Variants in CSMD1 observed in about 807,000 individuals in gnomAD.
CSMD1 encodes CUB and Sushi multiple domains 1, also known as CUB and sushi domain-containing protein 1.
Under a neutral mutation model 417.5 loss-of-function variants are expected in CSMD1, and 213 were observed. That is an observed-to-expected ratio of 0.51 (90% confidence interval 0.46 to 0.57). CSMD1 has a LOEUF of 0.57. Ranked by LOEUF, CSMD1 falls within the 20% of genes least tolerant of loss-of-function variation. The probability of loss-of-function intolerance (pLI) is 0.00; values close to 1 mark genes in which losing one functional copy is unlikely to be tolerated. For missense variants in CSMD1, 6,923 were observed against 4,529.7 expected, an observed-to-expected ratio of 1.53 and a Z score of -15.17; for synonymous variants, 2,862 against 1,736.8, an observed-to-expected ratio of 1.65 and a Z score of -16.11.
chr8:4,151,661 T>C (rs1344108490), intron 3 of CSMD1, among the ~76,000 whole-genome samples: 4 of 152,206 alleles, frequency 2.6e-5, no homozygotes, highest in Admixed American at 2.6e-4. Context: ...ATTATTATTA[T>C]GTCAACATTA....
chr8:4,976,361 ATTATC>A (rs1160832712), intron 1 of CSMD1, among the ~76,000 whole-genome samples: 8 of 152,218 alleles, frequency 5.3e-5, no homozygotes, highest in African/African-American at 1.4e-4. Context: ...TCTTAACATA[ATTATC>A]TTATCTATTT....
chr8:4,455,706 C>A (rs1004377428), intron 2 of CSMD1, among the ~76,000 whole-genome samples: 2 of 151,478 alleles, frequency 1.3e-5, no homozygotes, highest in Admixed American at 6.6e-5. Flanking sequence ...CGAAGCGGGT[C>A]GATCACCTGA....
chr8:4,941,808 A>G (rs1227613834), intron 1 of CSMD1, among the ~76,000 whole-genome samples: 1 of 152,146 alleles, frequency 6.6e-6, no homozygotes, highest in East Asian at 1.9e-4. Context: ...CATGTTGCCC[A>G]GGATGGTCTT....
rs530398188 is a variant in CSMD1, at chr8:4,025,566, A to T, written c.610+6339T>A. Among the ~76,000 whole-genome samples, 28 of 152,354 alleles carry T rather than the reference A, an allele frequency of 1.8e-4. No homozygotes were observed. The South Asian group carries it at 5.8e-3, about 32-fold the overall frequency. On this transcript the variant is annotated intron_variant, in intron 4 of 69. Transcript: ENST00000635120. ...TTTCATATTTCTCCCCTAGACAGAC[A>T]TCATGCCTGTAAGAAGTGAAACAGT...
At chr8:4,159,825 G>T (rs2131090904) in intron 3 of CSMD1, among the ~76,000 whole-genome samples, 1 of 152,210 alleles carries the variant, frequency 6.6e-6, no homozygotes, top group Admixed American at 6.5e-5. Flanking sequence ...TATTCTAAGT[G>T]AAGTAACTCT....
chr8:3,692,586 CCA>C (rs1313290345), intron 7 of CSMD1, among the ~76,000 whole-genome samples: 1 of 152,088 alleles, frequency 6.6e-6, no homozygotes, highest in Non-Finnish European at 1.5e-5. Flanking sequence ...AGGCATGTCA[CCA>C]CACACAGCTA....
At position 4,343,920 on chromosome 8, in the gene CSMD1, C is replaced by G. The variant is rs140993620; in HGVS notation, c.415+76033G>C. Among the ~76,000 whole-genome samples, 151 of 152,162 alleles carry G rather than the reference C, an allele frequency of 9.9e-4. 1 individual carries two copies. The highest frequency in any genetic ancestry group is 3.4e-3 in the African/African-American group (140 of 41,530). ...AAGGCTTATTTACTTTTAAATACTG[C>G]CAAGAGAAGTGTTTTAAAAATTATA... On this transcript the variant is annotated intron_variant, in intron 3 of 69. Transcript: ENST00000635120.
At position 2,938,547 on chromosome 8, in the gene CSMD1, G is replaced by C; in HGVS notation, c.*38C>G. ...AAGGAATCACTGCTTGTCCATCAGA[G>C]GTATGGCTATGAATCAGTCCTGTTG... On this transcript the variant is annotated 3_prime_UTR_variant, in exon 70 of 70. Coordinates refer to ENST00000635120, the MANE Select transcript of CSMD1 (RefSeq NM_033225.6). The C allele has an allele frequency of 3.2e-6, 5 of 1,581,802 alleles. No individual in the cohort carries two copies. Among genetic ancestry groups the C allele is most frequent in the African/African-American group, 1.3e-5 (1 of 74,464 alleles).
chr8:4,951,861 C>T (rs200600388), intron 1 of CSMD1, among the ~76,000 whole-genome samples: 1 of 7,656 alleles, frequency 1.3e-4, no homozygotes, highest in African/African-American at 2.1e-4. Flanking sequence ...ACTGAAGGAC[C>T]ACCCTGCATA....
chr8:4,357,823 C>T (rs1022272594), intron 3 of CSMD1, among the ~76,000 whole-genome samples: 7 of 151,952 alleles, frequency 4.6e-5, no homozygotes, highest in Admixed American at 2.0e-4. Context: ...AATAGTATTA[C>T]AAAATTTAAA....
At chr8:4,002,919 T>G (rs1815805143) in intron 4 of CSMD1, among the ~76,000 whole-genome samples, 1 of 152,184 alleles carries the variant, frequency 6.6e-6, no homozygotes, top group South Asian at 2.1e-4. Flanking sequence ...AATTAAGCAT[T>G]ATCTCAACTA....
intron 1 of CSMD1, among the ~76,000 whole-genome samples, chr8:4,820,310 T>C (rs919113381): frequency 2.6e-5 from 4 of 152,204 alleles, no homozygotes; most frequent in African/African-American, 7.2e-5. Flanking sequence ...TAGTGCGCCA[T>C]AGAAGCCTGA....
At chr8:3,685,691 T>C (rs1206958036) in intron 7 of CSMD1, among the ~76,000 whole-genome samples, 2 of 151,978 alleles carry the variant, frequency 1.3e-5, no homozygotes, top group African/African-American at 4.8e-5. Context: ...AGAAAATCAA[T>C]GCAATTTCAA....
At chr8:4,727,262 A>G (rs1327489353) in intron 1 of CSMD1, among the ~76,000 whole-genome samples, 2 of 152,222 alleles carry the variant, frequency 1.3e-5, no homozygotes, top group East Asian at 1.9e-4. Context: ...ACATTAAACC[A>G]GTTAATGTCT....
intron 6 of CSMD1, among the ~76,000 whole-genome samples, chr8:3,717,026 G>A (rs1031472388): frequency 2.0e-5 from 3 of 152,046 alleles, no homozygotes; most frequent in Admixed American, 6.6e-5. Flanking sequence ...AGGTCACAAA[G>A]CTTGAAATGG....
chr8:4,798,590 A>G (rs1798110762), intron 1 of CSMD1, among the ~76,000 whole-genome samples: 2 of 152,190 alleles, frequency 1.3e-5, no homozygotes, highest in South Asian at 4.1e-4. Context: ...AAGTTACCAC[A>G]CTGTGTGTTG....
intron 5 of CSMD1, among the ~76,000 whole-genome samples, chr8:3,783,740 A>G (rs962843462): frequency 1.3e-5 from 2 of 152,188 alleles, no homozygotes; most frequent in African/African-American, 2.4e-5. Context: ...TACTCCTGCT[A>G]TTCAGATCCC....
At chr8:4,114,443 G>A (rs552869220) in intron 3 of CSMD1, among the ~76,000 whole-genome samples, 3 of 152,204 alleles carry the variant, frequency 2.0e-5, no homozygotes, top group Admixed American at 6.5e-5. Flanking sequence ...GGTTACGGAA[G>A]AGCTTGGACA....
At chr8:4,726,236 A>T (rs1019477566) in intron 1 of CSMD1, among the ~76,000 whole-genome samples, 6 of 148,700 alleles carry the variant, frequency 4.0e-5, no homozygotes, top group Non-Finnish European at 1.5e-5. Context: ...GGTCAGAAAA[A>T]CTCTTGTGTG....
Sources: gnomAD v4.1 joint callset for allele counts (sites outside exome capture counted in the v4.1 genomes callset) on GRCh38, gnomAD v4.1.1 for gene constraint, MANE v1.5 for transcripts, NCBI Gene and HGNC (gene_info 2026-07-23, HGNC 2026-07-21) for gene names.